The following CCT5 variants were observed in gnomAD, a reference collection of about 807,000 sequenced individuals.
CCT5 encodes chaperonin containing TCP1 subunit 5.
CCT5 carries 6 observed loss-of-function variants against 55.0 expected under a neutral mutation model. The ratio of observed to expected loss-of-function variants is 0.11; its 90% confidence interval spans 0.06 to 0.22. The LOEUF (loss-of-function observed/expected upper bound fraction) is 0.22. Ranked by LOEUF, CCT5 falls within the 10% of genes least tolerant of loss-of-function variation. CCT5 has a pLI of 1.00. For missense variants in CCT5, 560 were observed against 694.6 expected (o/e 0.81, Z 2.18); for synonymous variants, 231 against 243.7 (o/e 0.95, Z 0.49).
In CCT5 at chr5:10,250,305, C is replaced by T. The variant is rs371412771; in HGVS notation, c.-36C>T. On this transcript the variant is annotated 5_prime_UTR_variant, in exon 1 of 11. Transcript: ENST00000280326. ...GCATTCTCGCTTCCGTAGCGGTCTCCGCCGGTTGGGGGGAAGTAATTCCGG... is the reference window on the plus strand; with the variant it reads ...GCATTCTCGCTTCCGTAGCGGTCTCTGCCGGTTGGGGGGAAGTAATTCCGG... The T allele has an allele frequency of 1.0e-4, 163 of 1,613,592 alleles. No individual in the cohort carries two copies. The highest frequency in any genetic ancestry group is 1.7e-4 in the Admixed American group (10 of 59,990).
At chr5:10,264,586 C>A in intron 10 of CCT5, 70 bp from the exon 11 acceptor site, 2 of 1,042,298 alleles carry the variant, frequency 1.9e-6, no homozygotes, top group Non-Finnish European at 3.0e-6. Context: ...TTCCCTAAAT[C>A]AGAAAGAGTT....
In CCT5 at chr5:10,258,345, C is replaced by T. The variant is rs1391689306; in HGVS notation, c.724-41C>T. The T allele has an allele frequency of 3.1e-6, 5 of 1,613,980 alleles. No homozygotes were observed. The East Asian group carries it at 1.1e-4, about 36-fold the overall frequency. On this transcript the variant is annotated intron_variant, in intron 5 of 10. Transcript: ENST00000280326. ...CACAGCTTCGCACTGTTGGTTAACT[C>T]TTAATTCCACCAATTAAAATGTCTT...
At chr5:10,250,120 A>C, upstream of CCT5, 1 of 1,535,006 alleles carries the variant, frequency 6.5e-7, no homozygotes, top group Non-Finnish European at 8.7e-7. Flanking sequence ...AGTGTCTTCA[A>C]ACCTCCCCCT....
chr5:10,250,893 G>T (rs938890771), intron 1 of CCT5: 9 of 1,034,022 alleles, frequency 8.7e-6, no homozygotes, highest in Middle Eastern at 4.8e-4. Flanking sequence ...CACTCGTAAA[G>T]GTGTGGTCAC....
At chr5:10,257,446 G>A (rs150734488) in intron 4 of CCT5, among the ~76,000 whole-genome samples, 2 of 152,320 alleles carry the variant, frequency 1.3e-5, no homozygotes, top group East Asian at 3.9e-4. Context: ...ATCTACTTAA[G>A]ATACAACATG....
Position 10,262,580 on chromosome 5 carries a change from A to T in CCT5, c.1279A>T (p.Ile427Leu). 6.2e-7 allele frequency: 1 copy of T among 1,614,244 alleles called. No homozygotes were observed. Among genetic ancestry groups the T allele is most frequent in the Non-Finnish European group, 8.5e-7 (1 of 1,180,042 alleles). The change falls in exon 9 of 11, where the codon ATA (isoleucine) becomes TTA (leucine). Residue 427 changes from isoleucine (I) to leucine (L), a missense_variant. By Grantham distance (5) the Ile-to-Leu change is conservative. Coordinates refer to ENST00000280326, the MANE Select transcript of CCT5 (RefSeq NM_012073.5). ...RVVYGGGAAE[I>L]SCALAVSQEA... ...GGTGTATGGAGGAGGGGCTGCTGAG[A>T]TATCCTGTGCCCTGGCAGTTAGCCA...
intron 8 of CCT5, 100 bp from the exon 9 acceptor site, chr5:10,262,381 T>C: frequency 1.5e-6 from 2 of 1,296,724 alleles, no homozygotes; most frequent in Non-Finnish European, 2.2e-6. Context: ...CATCTAAATA[T>C]TAGAGCACAG....
At chr5:10,254,615 T>C in intron 2 of CCT5, 59 bp from the exon 3 acceptor site, 4 of 1,460,868 alleles carry the variant, frequency 2.7e-6, no homozygotes, top group Non-Finnish European at 2.9e-6. Context: ...TCTTGTTTTA[T>C]AGTTTGTGAT....
At position 10,260,882 on chromosome 5, in the gene CCT5, G is replaced by A. The variant is rs1199077485; in HGVS notation, c.964G>A (p.Val322Ile). 1.2e-6 allele frequency: 2 copies of A among 1,614,204 alleles called. No individual in the cohort carries two copies. The highest frequency in any genetic ancestry group is 1.1e-5 in the South Asian group (1 of 91,082). ...HLLLQNNLPA[V>I]RWVGGPEIEL... ...ACTTCTTCAGAACAACTTGCCTGCG[G>A]TTCGCTGGGTAGGAGGACCTGAAAT... The change falls in exon 7 of 11, where the codon GTT becomes ATT. Residue 322 changes from valine (V) to isoleucine (I), a missense_variant. This residue lies in a region of CCT5 where 256 missense variants were observed against 372.4 expected (regional missense o/e 0.69). Transcript: ENST00000280326.
At chr5:10,250,122 C>T, upstream of CCT5, 1 of 1,533,980 alleles carries the variant, frequency 6.5e-7, no homozygotes, top group Non-Finnish European at 8.7e-7. Flanking sequence ...TGTCTTCAAA[C>T]CTCCCCCTCC....
In CCT5 at chr5:10,250,426, T is replaced by A. The variant is rs141133834; in HGVS notation, c.86T>A (p.Met29Lys). ...GATCAGGACCGCAAGTCCCGTCTTA[T>A]GGGACTTGAGGCCCTCAAGGTAATG... Reference protein sequence around the residue: ...IKDQDRKSRLMGLEALKSHIM... With the variant: ...IKDQDRKSRLKGLEALKSHIM... Residue 29 changes from methionine to lysine, a missense_variant, in exon 1 of 11, where the codon ATG becomes AAG. By Grantham distance (95) the Met-to-Lys change is moderately conservative. Transcript: ENST00000280326. 6.2e-7 allele frequency: 1 copy of A among 1,613,574 alleles called. No homozygotes were observed. The highest frequency in any genetic ancestry group is 8.5e-7 in the Non-Finnish European group (1 of 1,180,020).
Position 10,260,859 on chromosome 5 carries a change from T to C in CCT5, c.941T>C (p.Leu314Pro). 6.2e-7 allele frequency: 1 copy of C among 1,614,214 alleles called. No homozygotes were observed. The highest frequency in any genetic ancestry group is 8.5e-7 in the Non-Finnish European group (1 of 1,180,006). Residue 314 changes from leucine to proline, a missense_variant, in exon 7 of 11, where the codon CTT (leucine) becomes CCT (proline). Physicochemically the swap from Leu to Pro is moderately conservative, Grantham distance 98. Transcript: ENST00000280326. Reference sequence around the variant, plus strand: ...TTTGATGATGAAGCAAATCACTTACTTCTTCAGAACAACTTGCCTGCGGTT... The same window carrying C: ...TTTGATGATGAAGCAAATCACTTACCTCTTCAGAACAACTTGCCTGCGGTT... ...WGFDDEANHL[L>P]LQNNLPAVRW... is the part of the protein sequence containing the mutation.
At chr5:10,250,233 TGTGCTGCGC>T, upstream of CCT5, 3 of 1,577,280 alleles carry the variant, frequency 1.9e-6, no homozygotes, top group Non-Finnish European at 2.6e-6. Flanking sequence ...CCGCGCGTCT[TGTGCTGCGC>T]GTGCGCAAGC....
chr5:10,264,568 T>C, intron 10 of CCT5, 88 bp from the exon 11 acceptor site: 1 of 907,154 alleles, frequency 1.1e-6, no homozygotes, highest in Non-Finnish European at 1.9e-6. Flanking sequence ...TCTTAAGTCT[T>C]ACTGTGATTC....
Position 10,264,688 on chromosome 5 carries a change from A to G in CCT5, c.1531A>G (p.Ile511Val), listed in dbSNP as rs1371795977. Residue 511 changes from isoleucine to valine, a missense_variant, in exon 11 of 11, where the codon ATT (isoleucine) becomes GTT (valine). Physicochemically the swap from Ile to Val is conservative, Grantham distance 29 (BLOSUM62 3). This residue lies in a region of CCT5 where 115 missense variants were observed against 105.0 expected (regional missense o/e 1.10). Coordinates refer to ENST00000280326, the MANE Select transcript of CCT5 (RefSeq NM_012073.5). ...GCAACAGCATGTCATAGAAACCTTG[A>G]TTGGCAAAAAGCAACAGATATCTCT... ...MKQQHVIETL[I>V]GKKQQISLAT... 1 of 1,613,770 alleles carries G rather than the reference A, an allele frequency of 6.2e-7. No homozygotes were observed.
intron 6 of CCT5, 124 bp from the exon 7 acceptor site, chr5:10,260,663 TCTTTC>T: frequency 1.1e-6 from 1 of 949,374 alleles, no homozygotes; most frequent in African/African-American, 1.6e-5. Context: ...TCCTTCCTTC[TCTTTC>T]CTTTGCTTTT....
chr5:10,255,844 C>A, intron 3 of CCT5, 111 bp from the exon 4 acceptor site: 2 of 959,842 alleles, frequency 2.1e-6, no homozygotes, highest in Non-Finnish European at 3.2e-6. Flanking sequence ...TGACTTGCAG[C>A]TTAATTCTAG....
rs1007367834 is a variant in CCT5, at chr5:10,250,942, C to T, written c.105+497C>T. On this transcript the variant is annotated intron_variant, in intron 1 of 10. Coordinates refer to ENST00000280326, the MANE Select transcript of CCT5 (RefSeq NM_012073.5). ...TCATTTCTGAGTGCTTTTTTGCCCA[C>T]CCTTGAGGAAAAATAGCGAAGAGTG... The T allele has an allele frequency of 4.5e-6, 4 of 884,762 alleles. No individual in the cohort carries two copies. The East Asian group carries it at 3.5e-4, about 78-fold the overall frequency. The allele number at this position is 884,762 out of a possible 1,614,324, so 54.8% of individuals were successfully genotyped here.
In CCT5 at chr5:10,254,148, C is replaced by A; in HGVS notation, c.109C>A (p.His37Asn). ...RLMGLEALKS[H>N]IMAAKAVANT... ...CTTTTTCTGTTTGTTTCATTAGTCT[C>A]ATATAATGGCAGCAAAGGCTGTAGC... The change falls in exon 2 of 11, where the codon CAT becomes AAT. Residue 37 changes from histidine (H) to asparagine (N), a missense_variant. Around this residue, in one of 4 missense-constraint regions of CCT5, gnomAD observed 137 missense variants for 181.9 expected, o/e 0.75. Coordinates refer to ENST00000280326, the MANE Select transcript of CCT5 (RefSeq NM_012073.5). The A allele has an allele frequency of 9.4e-6, 15 of 1,603,998 alleles. No individual in the cohort carries two copies. The highest frequency in any genetic ancestry group is 1.2e-5 in the Non-Finnish European group (14 of 1,171,006).
Sources: gnomAD v4.1 joint callset for allele counts (sites outside exome capture counted in the v4.1 genomes callset) on GRCh38, gnomAD v4.1.1 for gene constraint, gnomAD v4.1.1 regional missense constraint, MANE v1.5 for transcripts, NCBI Gene and HGNC (gene_info 2026-07-23, HGNC 2026-07-21) for gene names.